The following SLC35D1 variants were observed in gnomAD, a reference collection of about 807,000 sequenced individuals.
SLC35D1 encodes the protein solute carrier family 35 member D1.
In SLC35D1, 31 loss-of-function variants were observed where a neutral mutation model predicts 46.7. That is an observed-to-expected ratio of 0.66 (90% CI 0.50 to 0.90). The LOEUF (loss-of-function observed/expected upper bound fraction) is 0.90. SLC35D1 is among the 40% of genes least tolerant of loss of function. The pLI, the probability that SLC35D1 is intolerant of heterozygous loss-of-function variation, is 0.00. For synonymous variants in SLC35D1, 195 were observed against 164.6 expected (o/e 1.18, Z -1.41); for missense variants, 397 against 426.2 (o/e 0.93, Z 0.60).
chr1:66,978,689 AC>A, the SLC35D1 span, among the ~76,000 whole-genome samples: 1 of 152,324 alleles, frequency 6.6e-6, no homozygotes, highest in South Asian at 2.1e-4. Flanking sequence ...CACGTGAGCT[AC>A]ATTCAGTCTG....
chr1:66,977,341 C>T, the SLC35D1 span, among the ~76,000 whole-genome samples: 3 of 152,096 alleles, frequency 2.0e-5, no homozygotes, highest in Admixed American at 2.0e-4. Context: ...AACTCCTGAC[C>T]TCAAATGATC....
At chr1:67,015,160 TAA>T (rs140508453) in intron 10 of SLC35D1, among the ~76,000 whole-genome samples, 47,024 of 86,492 alleles carry the variant, frequency 0.54, 9,546 homozygotes, top group South Asian at 0.72. Context: ...TGTGTTTTTG[TAA>T]AAAAAAAAAA....
Position 67,052,056 on chromosome 1 carries a change from A to G in SLC35D1, c.348T>C (p.Tyr116=). The change falls in exon 4 of 12, where the codon TAT becomes TAC. Residue 116 remains tyrosine, a synonymous_variant. Transcript: ENST00000235345. The stretch of plus-strand genomic sequence containing the variant: ...ACAGTCCCGTGATTTGGTTCCCAAA[A>G]TATAGTAGAGGTAGTGGAAACGTCT... ...PRKTFPLPLL[Y]FGNQITGLFS... The G allele has an allele frequency of 6.2e-7, 1 of 1,610,414 alleles. No homozygotes were observed. Among genetic ancestry groups the G allele is most frequent in the Non-Finnish European group, 8.5e-7 (1 of 1,176,738 alleles).
At chr1:67,040,905 G>A (rs927370039) in intron 8 of SLC35D1, among the ~76,000 whole-genome samples, 9 of 152,122 alleles carry the variant, frequency 5.9e-5, no homozygotes, top group Admixed American at 1.3e-4. Flanking sequence ...CCCAAAGCTC[G>A]AGAGTGAGGG....
At chr1:67,028,543 C>G (rs1200341851) in intron 8 of SLC35D1, among the ~76,000 whole-genome samples, 2 of 152,126 alleles carry the variant, frequency 1.3e-5, no homozygotes, top group Non-Finnish European at 2.9e-5. Context: ...CACTTAGGAC[C>G]ATTATATCCT....
rs1667325650 is a variant in SLC35D1, at chr1:67,000,883, T to C, written c.*3457A>G. Reference sequence around the variant, plus strand: ...GATTAACTAATATGAGTTACAAAAGTCCTCTCGGATTAAAAAAATGCTTTA... The same window carrying C: ...GATTAACTAATATGAGTTACAAAAGCCCTCTCGGATTAAAAAAATGCTTTA... On this transcript the variant is annotated 3_prime_UTR_variant, in exon 12 of 12. Coordinates refer to ENST00000235345, the MANE Select transcript of SLC35D1 (RefSeq NM_015139.3). 1 of 152,158 alleles carries C rather than the reference T, an allele frequency of 6.6e-6. No individual in the cohort carries two copies. The highest frequency in any genetic ancestry group is 2.4e-5 in the African/African-American group (1 of 41,380). The allele number at this position is 152,158 out of a possible 1,614,324, so 9.4% of individuals were successfully genotyped here.
chr1:67,016,389 C>A (rs377667001), intron 10 of SLC35D1, among the ~76,000 whole-genome samples: 1 of 151,960 alleles, frequency 6.6e-6, no homozygotes, highest in African/African-American at 2.4e-5. Flanking sequence ...TAAAAAAAGA[C>A]CCTGATAAGT....
At chr1:67,006,593 A>G (rs914319556) in intron 11 of SLC35D1, among the ~76,000 whole-genome samples, 5 of 152,218 alleles carry the variant, frequency 3.3e-5, no homozygotes, top group African/African-American at 1.2e-4. Flanking sequence ...CTGGGGAAGC[A>G]CAGGATAGAA....
chr1:67,032,252 A>G (rs558217601), intron 8 of SLC35D1: 5 of 181,312 alleles, frequency 2.8e-5, no homozygotes, highest in African/African-American at 1.2e-4. Flanking sequence ...AGCAAATGTT[A>G]TATGGACCTA....
the SLC35D1 span, among the ~76,000 whole-genome samples, chr1:66,990,260 C>G: frequency 3.3e-5 from 5 of 152,116 alleles, no homozygotes; most frequent in Non-Finnish European, 7.4e-5. Context: ...CATGAACATA[C>G]GTGGACTACA....
intron 11 of SLC35D1, chr1:67,008,555 GAATCTACTA>G (rs1667497683): frequency 2.3e-6 from 2 of 880,294 alleles, no homozygotes; most frequent in Non-Finnish European, 1.5e-6. Context: ...CAAATCTATT[GAATCTACTA>G]AATCTACTTT....
chr1:67,049,693 G>T, intron 6 of SLC35D1, 89 bp downstream of exon 6: 1 of 1,130,744 alleles, frequency 8.8e-7, no homozygotes, highest in South Asian at 1.3e-5. Context: ...TCTTATTTAG[G>T]CAATAAAAAA....
intron 8 of SLC35D1, among the ~76,000 whole-genome samples, chr1:67,021,875 G>A (rs184493286): frequency 4.5e-4 from 68 of 152,214 alleles, no homozygotes; most frequent in African/African-American, 1.3e-3. Context: ...AAAATGTAAC[G>A]TGGGGATTTT....
At chr1:67,052,885 G>C (rs189548227) in intron 2 of SLC35D1, 28 bp from the exon 3 acceptor site, 2 of 1,613,820 alleles carry the variant, frequency 1.2e-6, no homozygotes, top group East Asian at 4.5e-5. Context: ...CAGATTCACT[G>C]TTCTACACAT....
At chr1:66,975,508 A>C in the SLC35D1 span, among the ~76,000 whole-genome samples, 3 of 151,888 alleles carry the variant, frequency 2.0e-5, no homozygotes, top group South Asian at 2.1e-4. Flanking sequence ...CCTGGGCAAC[A>C]GAGCATGACA....
downstream of SLC35D1, among the ~76,000 whole-genome samples, chr1:66,995,693 G>A (rs980121806): frequency 2.0e-5 from 3 of 151,938 alleles, no homozygotes; most frequent in Non-Finnish European, 4.4e-5. Context: ...GGCTGTCCCC[G>A]CCAGTATTTT....
At chr1:67,022,334 C>T (rs1667823786) in intron 8 of SLC35D1, among the ~76,000 whole-genome samples, 1 of 152,228 alleles carries the variant, frequency 6.6e-6, no homozygotes, top group Non-Finnish European at 1.5e-5. Flanking sequence ...ACTTTTGCTA[C>T]TTCCGCATAA....
At chr1:66,977,809 AT>A in the SLC35D1 span, among the ~76,000 whole-genome samples, 63 of 152,184 alleles carry the variant, frequency 4.1e-4, no homozygotes, top group African/African-American at 1.3e-3. Context: ...GAATAAAAAA[AT>A]AATGCAAAAT....
At chr1:66,990,227 A>C in the SLC35D1 span, among the ~76,000 whole-genome samples, 1 of 152,144 alleles carries the variant, frequency 6.6e-6, no homozygotes, top group East Asian at 1.9e-4. Flanking sequence ...TAGTAGACAA[A>C]TGTTTGCATT....
Sources: allele counts gnomAD v4.1 joint callset (sites outside exome capture counted in the v4.1 genomes callset), GRCh38; gene constraint gnomAD v4.1.1; transcripts MANE v1.5; gene names NCBI Gene and HGNC (gene_info 2026-07-23, HGNC 2026-07-21).